The following DISC1 variants were observed in gnomAD, a reference collection of about 807,000 sequenced individuals.
The protein encoded by DISC1 is DISC1 scaffold protein, also known as disrupted in schizophrenia 1 protein.
In DISC1, 57 loss-of-function variants were observed where a neutral mutation model predicts 84.5. The ratio of observed to expected loss-of-function variants is 0.67; its 90% CI spans 0.55 to 0.84. The LOEUF (loss-of-function observed/expected upper bound fraction) is 0.84, where lower values mean the gene tolerates loss of function less well. Among genes scored for constraint, DISC1 ranks in the 40% least tolerant of loss-of-function variants. The pLI is 0.00. For missense variants in DISC1, 1,000 were observed against 1,057.8 expected (o/e 0.95, Z 0.76); for synonymous variants, 411 against 415.2 (o/e 0.99, Z 0.12).
chr1:232,021,291 T>C (rs1403287730), intron 11 of DISC1, among the ~76,000 whole-genome samples: 1 of 151,886 alleles, frequency 6.6e-6, no homozygotes, highest in Non-Finnish European at 1.5e-5. Flanking sequence ...TGGTATGTCT[T>C]CCTGCGGAAT....
chr1:232,009,486 T>A lies in DISC1; in HGVS notation c.2307+437T>A, dbSNP rs1667841714. 1.5e-6 allele frequency: 1 copy of A among 658,754 alleles called. No individual in the cohort carries two copies. 40.8% of individuals were successfully genotyped at this position (658,754 alleles called of 1,614,324 possible). On this transcript the variant is annotated intron_variant, in intron 11 of 12. Transcript: ENST00000439617. The surrounding 1 kb of genome is among the most constrained non-coding windows in gnomAD (Gnocchi z 4.6). ...TATATTTAGAATCTATATATTACAA[T>A]ATATTATTATTTATTTGAATGAAAC... is the stretch of plus-strand genomic sequence containing the variant.
chr1:231,871,417 C>G (rs1414482411), intron 9 of DISC1, among the ~76,000 whole-genome samples: 1 of 152,154 alleles, frequency 6.6e-6, no homozygotes, highest in Non-Finnish European at 1.5e-5. Flanking sequence ...AATACATTTC[C>G]TTGGATGGCA....
chr1:231,722,711 C>G, intron 3 of DISC1: 1 of 1,566,812 alleles, frequency 6.4e-7, no homozygotes, highest in Non-Finnish European at 8.6e-7. Flanking sequence ...TGGAAGAATA[C>G]GCTCATTTAT....
chr1:231,713,709 T>TATATATATATATATATATATATAGGAG (rs2068203572), intron 3 of DISC1, among the ~76,000 whole-genome samples: 1 of 71,856 alleles, frequency 1.4e-5, no homozygotes, highest in African/African-American at 4.1e-5. Flanking sequence ...AGGAGATATA[T>TATATATATATATATATATATATAGGAG]ATATATATAT....
At chr1:231,757,924 G>T (rs2075299109) in intron 4 of DISC1, among the ~76,000 whole-genome samples, 1 of 151,498 alleles carries the variant, frequency 6.6e-6, no homozygotes, top group African/African-American at 2.4e-5. Flanking sequence ...CGTGCTCACA[G>T]TCGGCTTTCC....
chr1:231,939,933 G>T (rs1396654023), intron 9 of DISC1, among the ~76,000 whole-genome samples: 1 of 151,782 alleles, frequency 6.6e-6, no homozygotes, highest in Non-Finnish European at 1.5e-5. Context: ...AGTAGAGATG[G>T]GGTTTCACCA....
At chr1:231,807,767 T>C (rs1250984328) in intron 8 of DISC1, among the ~76,000 whole-genome samples, 1 of 152,202 alleles carries the variant, frequency 6.6e-6, no homozygotes, top group African/African-American at 2.4e-5. Flanking sequence ...TCACCTTTTT[T>C]AATCAATTGG....
intron 9 of DISC1, among the ~76,000 whole-genome samples, chr1:231,924,996 T>C: frequency 6.6e-6 from 1 of 151,604 alleles, no homozygotes; most frequent in Admixed American, 6.6e-5. Context: ...GTTCCAGTTA[T>C]TGACCTAGCA....
rs576074060 is a variant in DISC1, at chr1:231,727,656, G to C, written c.1118-22270G>C. 2.0e-5 allele frequency among the ~76,000 whole-genome samples: 3 copies of C among 152,244 alleles called. No individual in the cohort carries two copies. In the East Asian group the frequency reaches 5.8e-4, roughly 29 times the overall value. On this transcript the variant is annotated intron_variant, in intron 3 of 12. Coordinates refer to ENST00000439617, the MANE Select transcript of DISC1 (RefSeq NM_018662.3). ...ATCTCTTGGAATCATTTTTACTTTT[G>C]TAACAACTCTTCTACTTGTGTTTTT...
chr1:231,648,594 C>T (rs1200500907), intron 1 of DISC1, among the ~76,000 whole-genome samples: 1 of 152,170 alleles, frequency 6.6e-6, no homozygotes, highest in Non-Finnish European at 1.5e-5. Flanking sequence ...GGAGGATTCC[C>T]TCTTTTTCTA....
intron 9 of DISC1, among the ~76,000 whole-genome samples, chr1:231,844,245 T>G (rs2083287195): frequency 6.6e-6 from 1 of 152,208 alleles, no homozygotes; most frequent in Admixed American, 6.5e-5. Flanking sequence ...TCACAGCCCC[T>G]CTTCCTTTCA....
At chr1:231,682,018 A>C (rs1406022560) in intron 1 of DISC1, among the ~76,000 whole-genome samples, 1 of 152,190 alleles carries the variant, frequency 6.6e-6, no homozygotes, top group Non-Finnish European at 1.5e-5. Flanking sequence ...AATTTTTAAT[A>C]TTATGTGCAT....
chr1:231,922,591 G>A (rs1416701783), intron 9 of DISC1, among the ~76,000 whole-genome samples: 1 of 152,120 alleles, frequency 6.6e-6, no homozygotes, highest in African/African-American at 2.4e-5. Flanking sequence ...TGCCTGTGGG[G>A]TGGTGCTTCT....
At chr1:231,924,653 C>A (rs965793519) in intron 9 of DISC1, among the ~76,000 whole-genome samples, 10 of 151,184 alleles carry the variant, frequency 6.6e-5, no homozygotes, top group Non-Finnish European at 1.5e-4. Context: ...TGGACATTTG[C>A]AACAATTTTT....
At chr1:231,687,272 C>T (rs2064403180) in intron 1 of DISC1, among the ~76,000 whole-genome samples, 1 of 152,118 alleles carries the variant, frequency 6.6e-6, no homozygotes, top group Admixed American at 6.6e-5. Context: ...TAATGACATA[C>T]CTGAGACTGG....
At chr1:231,769,237 G>T (rs772603195) in intron 5 of DISC1, among the ~76,000 whole-genome samples, 1 of 152,170 alleles carries the variant, frequency 6.6e-6, no homozygotes, top group African/African-American at 2.4e-5. Flanking sequence ...TTGATTGACT[G>T]TGTGGTCCAG....
chr1:231,770,800 T>C lies in DISC1; in HGVS notation c.1399-35T>C, dbSNP rs1404913685. 4 of 1,603,634 alleles carry C rather than the reference T, an allele frequency of 2.5e-6. No individual in the cohort carries two copies. In the African/African-American group the frequency reaches 4.0e-5, roughly 16 times the overall value. On this transcript the variant is annotated intron_variant, in intron 5 of 12. Transcript: ENST00000439617. Reference sequence around the variant, plus strand: ...CAGAGCAGTTTGCCATGAGCAGGGTTAATTTATAAAATCTTGTCTCCTCAT... The same window carrying C: ...CAGAGCAGTTTGCCATGAGCAGGGTCAATTTATAAAATCTTGTCTCCTCAT...
chr1:231,905,315 C>T (rs2088544844), intron 9 of DISC1, among the ~76,000 whole-genome samples: 1 of 152,184 alleles, frequency 6.6e-6, no homozygotes, highest in East Asian at 1.9e-4. Flanking sequence ...GTGCCAAGGT[C>T]AAGACAGTCA....
chr1:232,025,714 A>T (rs1165508669), intron 11 of DISC1, among the ~76,000 whole-genome samples: 1 of 150,886 alleles, frequency 6.6e-6, no homozygotes, highest in Non-Finnish European at 1.5e-5. Context: ...CTCCTGCCTC[A>T]GCCTCCCAAG....
Sources: allele counts gnomAD v4.1 joint callset (sites outside exome capture counted in the v4.1 genomes callset), GRCh38; gene constraint gnomAD v4.1.1; non-coding constraint Gnocchi (gnomAD v3.1); transcripts MANE v1.5; gene names NCBI Gene and HGNC (gene_info 2026-07-23, HGNC 2026-07-21).